The following MAP2K5 variants were observed in gnomAD, a reference collection of about 807,000 sequenced individuals.
MAP2K5 encodes dual specificity mitogen-activated protein kinase kinase 5.
A neutral mutation model predicts 83.1 loss-of-function variants in MAP2K5; 49 were observed. That is an observed-to-expected ratio of 0.59 (90% CI 0.47 to 0.75). The LOEUF (loss-of-function observed/expected upper bound fraction) is 0.75. Ranked by LOEUF, MAP2K5 falls within the 30% of genes least tolerant of loss-of-function variation. The pLI is 0.00. For synonymous variants in MAP2K5, 202 were observed against 191.8 expected, an observed-to-expected ratio of 1.05 and a Z score of -0.44; for missense variants, 457 against 557.5, an observed-to-expected ratio of 0.82 and a Z score of 1.82.
chr15:67,675,113 A>G (rs955927225), intron 13 of MAP2K5, among the ~76,000 whole-genome samples: 3 of 152,206 alleles, frequency 2.0e-5, no homozygotes, highest in Admixed American at 6.5e-5. Flanking sequence ...TCCCAGAGAA[A>G]TGAAGACTTC....
rs1403454210 is a variant in MAP2K5, at chr15:67,774,958, A to T, written c.1242+2206A>T. On this transcript the variant is annotated intron_variant, in intron 21 of 21. Coordinates refer to ENST00000178640, the MANE Select transcript of MAP2K5 (RefSeq NM_145160.3). The surrounding 1 kb of genome is among the most constrained non-coding windows in gnomAD (Gnocchi z 4.9). ...CAGCTGGAAATACTGGAAGTTATAG[A>T]TTCACTATTTGGGAACTCTTATATG... 1.3e-5 allele frequency among the ~76,000 whole-genome samples: 2 copies of T among 152,224 alleles called. No homozygotes were observed. Among genetic ancestry groups the T allele is most frequent in the African/African-American group, 4.8e-5 (2 of 41,460 alleles).
chr15:67,741,295 A>T lies in MAP2K5; in HGVS notation c.1075-6936A>T, dbSNP rs577658685. ...AGAAAACTCAACTCAAAGGAGCCCT[A>T]ATCACAAGGGGAAATAACTGGACTG... On this transcript the variant is annotated intron_variant, in intron 17 of 21. Coordinates refer to ENST00000178640, the MANE Select transcript of MAP2K5 (RefSeq NM_145160.3). Among the ~76,000 whole-genome samples the T allele has an allele frequency of 3.9e-5, 6 of 152,296 alleles. No individual in the cohort carries two copies. In the South Asian group the frequency reaches 1.2e-3, roughly 32 times the overall value.
Position 67,764,917 on chromosome 15 carries a change from G to C in MAP2K5, c.1135-4685G>C, listed in dbSNP as rs2141294323. ...CTAAGAATCTAGGCCTCATCTAATTGTTTAAAAATAGTCCCTATCCCTTAC... is the reference window on the plus strand; with the variant it reads ...CTAAGAATCTAGGCCTCATCTAATTCTTTAAAAATAGTCCCTATCCCTTAC... On this transcript the variant is annotated intron_variant, in intron 19 of 21. Coordinates refer to ENST00000178640, the MANE Select transcript of MAP2K5 (RefSeq NM_145160.3). This position sits in a 1 kb window ranked among gnomAD's most constrained non-coding sequence, Gnocchi z 4.9. Among the ~76,000 whole-genome samples, 1 of 152,248 alleles carries C rather than the reference G, an allele frequency of 6.6e-6. No individual in the cohort carries two copies. The highest frequency in any genetic ancestry group is 2.4e-5 in the African/African-American group (1 of 41,544).
At chr15:67,706,412 T>C (rs2088555187) in intron 16 of MAP2K5, among the ~76,000 whole-genome samples, 1 of 152,158 alleles carries the variant, frequency 6.6e-6, no homozygotes, top group Admixed American at 6.6e-5. Flanking sequence ...GCATTGAGTG[T>C]GGGACACCTG....
In MAP2K5 at chr15:67,746,905, A is replaced by G. The variant is rs1174096515; in HGVS notation, c.1075-1326A>G. Among the ~76,000 whole-genome samples, 2 of 152,264 alleles carry G rather than the reference A, an allele frequency of 1.3e-5. No individual in the cohort carries two copies. Among genetic ancestry groups the G allele is most frequent in the African/African-American group, 2.4e-5 (1 of 41,472 alleles). On this transcript the variant is annotated intron_variant, in intron 17 of 21. Coordinates refer to ENST00000178640, the MANE Select transcript of MAP2K5 (RefSeq NM_145160.3). The surrounding 1 kb of genome is among the most constrained non-coding windows in gnomAD (Gnocchi z 4.1). ...ATGGATGCAAAAGAAATGCATAAACATAGCTGCAGCTCTTGAGAAACTCAC... is the reference window on the plus strand; with the variant it reads ...ATGGATGCAAAAGAAATGCATAAACGTAGCTGCAGCTCTTGAGAAACTCAC...
intron 1 of MAP2K5, among the ~76,000 whole-genome samples, chr15:67,544,456 A>G (rs757922524): frequency 6.6e-6 from 1 of 152,216 alleles, no homozygotes; most frequent in South Asian, 2.1e-4. Flanking sequence ...GCAGATAGTT[A>G]CTGAGGAGCA....
intron 16 of MAP2K5, 131 bp from the exon 17 acceptor site, chr15:67,727,785 T>C: frequency 1.3e-6 from 1 of 759,290 alleles, no homozygotes. Flanking sequence ...AATAATTTAG[T>C]TTGTACATTC....
rs758225577 is a variant in MAP2K5, at chr15:67,717,493, A to G, written c.1045-10423A>G. On this transcript the variant is annotated intron_variant, in intron 16 of 21. Transcript: ENST00000178640. This position sits in a 1 kb window ranked among gnomAD's most constrained non-coding sequence, Gnocchi z 4.1. Reference sequence around the variant, plus strand: ...TAAAAGTGCAATGGAAACATGTAGAACTGGGCACATGAGAGTGTGGGCTGA... The same window carrying G: ...TAAAAGTGCAATGGAAACATGTAGAGCTGGGCACATGAGAGTGTGGGCTGA... Among the ~76,000 whole-genome samples the G allele has an allele frequency of 1.3e-5, 2 of 152,240 alleles. No individual in the cohort carries two copies. The highest frequency in any genetic ancestry group is 2.9e-5 in the Non-Finnish European group (2 of 68,034).
At chr15:67,753,674 A>G (rs906806583) in intron 19 of MAP2K5, among the ~76,000 whole-genome samples, 3 of 152,134 alleles carry the variant, frequency 2.0e-5, no homozygotes, top group Admixed American at 6.5e-5. Flanking sequence ...TGTAATTAAA[A>G]AAAAAAGAAA....
intron 9 of MAP2K5, among the ~76,000 whole-genome samples, chr15:67,642,988 G>T (rs918954333): frequency 2.0e-5 from 3 of 152,078 alleles, no homozygotes; most frequent in Non-Finnish European, 4.4e-5. Context: ...TTAAATAAGT[G>T]ATTCTCAACC....
chr15:67,586,004 A>C, intron 5 of MAP2K5, 74 bp downstream of exon 5: 1 of 1,324,616 alleles, frequency 7.5e-7, no homozygotes, highest in Non-Finnish European at 1.1e-6. Flanking sequence ...TGAAATGTCA[A>C]ATAAAACTGC....
At chr15:67,653,287 AT>A (rs34282083) in intron 11 of MAP2K5, among the ~76,000 whole-genome samples, 132,563 of 138,500 alleles carry the variant, frequency 0.96, 63,434 homozygotes, top group East Asian at 0.99. Context: ...TGTTTAAAAT[AT>A]TTTTTTTTTT....
At chr15:67,727,774 C>T in intron 16 of MAP2K5, 142 bp from the exon 17 acceptor site, 1 of 737,234 alleles carries the variant, frequency 1.4e-6, no homozygotes. Context: ...GTAATTACAG[C>T]AATAATTTAG....
intron 8 of MAP2K5, among the ~76,000 whole-genome samples, chr15:67,607,201 G>C (rs1036291771): frequency 3.0e-4 from 46 of 152,146 alleles, no homozygotes; most frequent in Admixed American, 2.9e-3. Context: ...AAGCAAACAA[G>C]ACATCATCCT....
chr15:67,556,919 A>G (rs1341565842), intron 2 of MAP2K5, among the ~76,000 whole-genome samples: 1 of 152,102 alleles, frequency 6.6e-6, no homozygotes, highest in Non-Finnish European at 1.5e-5. Context: ...TGGGGATCCA[A>G]CTTTATTTTT....
In MAP2K5 at chr15:67,798,521, C is replaced by T. The variant is rs141413615; in HGVS notation, c.1243-8125C>T. Among the ~76,000 whole-genome samples, 1,516 of 152,332 alleles carry T rather than the reference C, an allele frequency of 1.0e-2. 12 individuals are homozygous for T. Among genetic ancestry groups the T allele is most frequent in the Middle Eastern group, 0.031 (9 of 294 alleles). ...TGGTCCTGCGGCTGCTCTGTAAGTACAGGCCCTAGAATGACTCACAGACAC... is the reference window on the plus strand; with the variant it reads ...TGGTCCTGCGGCTGCTCTGTAAGTATAGGCCCTAGAATGACTCACAGACAC... On this transcript the variant is annotated intron_variant, in intron 21 of 21. Coordinates refer to ENST00000178640, the MANE Select transcript of MAP2K5 (RefSeq NM_145160.3).
chr15:67,665,387 C>G lies in MAP2K5; in HGVS notation c.847+742C>G, dbSNP rs1320727332. Among the ~76,000 whole-genome samples, 3 of 152,100 alleles carry G rather than the reference C, an allele frequency of 2.0e-5. No individual in the cohort carries two copies. Among genetic ancestry groups the G allele is most frequent in the African/African-American group, 7.2e-5 (3 of 41,416 alleles). On this transcript the variant is annotated intron_variant, in intron 13 of 21. Transcript: ENST00000178640. This position sits in a 1 kb window ranked among gnomAD's most constrained non-coding sequence, Gnocchi z 4.2. ...AGACTATAACAAAGCAACTTCAAGG[C>G]CTAGTGTTACTAACAGTGCTGTTTA...
Position 67,760,985 on chromosome 15 carries a change from G to A in MAP2K5, c.1135-8617G>A, listed in dbSNP as rs968230527. Among the ~76,000 whole-genome samples the A allele has an allele frequency of 2.0e-5, 3 of 152,134 alleles. No homozygotes were observed. The highest frequency in any genetic ancestry group is 4.8e-5 in the African/African-American group (2 of 41,398). ...TAATTTTCTCTAAACCAGGGAAAAT[G>A]TGTATGTGAGCAGTACAAATGTTCT... On this transcript the variant is annotated intron_variant, in intron 19 of 21. Transcript: ENST00000178640. This position sits in a 1 kb window ranked among gnomAD's most constrained non-coding sequence, Gnocchi z 4.1.
intron 6 of MAP2K5, among the ~76,000 whole-genome samples, chr15:67,589,785 G>A (rs4776367): frequency 0.11 from 655 of 5,822 alleles, 3 homozygotes; most frequent in South Asian, 0.19. Context: ...GTGTGTGTAT[G>A]TGTGTGTGTG....
Sources: gnomAD v4.1 joint callset for allele counts (sites outside exome capture counted in the v4.1 genomes callset) on GRCh38, gnomAD v4.1.1 for gene constraint, Gnocchi (gnomAD v3.1) non-coding constraint, MANE v1.5 for transcripts, NCBI Gene and HGNC (gene_info 2026-07-23, HGNC 2026-07-21) for gene names.